PKD1L1: variants seen among roughly 807,000 people sequenced by gnomAD.
PKD1L1 encodes polycystin-1-like protein 1.
In PKD1L1, 236 loss-of-function variants were observed where a neutral mutation model predicts 323.4. That is an observed-to-expected ratio of 0.73 (90% CI 0.66 to 0.81). The LOEUF (loss-of-function observed/expected upper bound fraction) is 0.81, where lower values mean the gene tolerates loss of function less well. Among genes scored for constraint, PKD1L1 ranks in the 40% least tolerant of loss-of-function variants. The pLI is 0.00. For missense variants in PKD1L1, 3,320 were observed against 3,508.0 expected (o/e 0.95, Z 1.35); for synonymous variants, 1,344 against 1,335.0 (o/e 1.01, Z -0.15).
Position 47,829,518 on chromosome 7 carries a change from C to T in PKD1L1, c.6642G>A (p.Arg2214=), listed in dbSNP as rs750609501. 2.5e-6 allele frequency: 4 copies of T among 1,614,056 alleles called. No homozygotes were observed. Among genetic ancestry groups the T allele is most frequent in the Admixed American group, 1.7e-5 (1 of 59,998 alleles). ...FFTESLCEAT[R]DLDSELAERS... is the part of the protein sequence containing the mutation. Reference sequence around the variant, plus strand: ...GTTCTGCCAATTCAGAGTCCAGATCCCTGGTAGCCTCACATAAAGACTCAG... The same window carrying T: ...GTTCTGCCAATTCAGAGTCCAGATCTCTGGTAGCCTCACATAAAGACTCAG... Residue 2214 remains arginine (R), a synonymous_variant, in exon 44 of 57, where the codon AGG becomes AGA. Transcript: ENST00000289672.
chr7:47,827,394 G>A lies in PKD1L1; in HGVS notation c.6810C>T (p.Thr2270=), dbSNP rs1785258575. The part of the protein sequence containing the change: ...HPPSKAQLRG[T]RQRMRRESRT... ...GACTCTCTCTCCTCATCCTCTGTCT[G>A]GTGCCCCTCAGCTGGGCCTTGGATG... is the stretch of plus-strand genomic sequence containing the variant. Residue 2270 remains threonine (T), a synonymous_variant, in exon 45 of 57, where the codon ACC becomes ACT. Coordinates refer to ENST00000289672, the MANE Select transcript of PKD1L1 (RefSeq NM_138295.5). 1.2e-6 allele frequency: 2 copies of A among 1,613,298 alleles called. No homozygotes were observed. Among genetic ancestry groups the A allele is most frequent in the Non-Finnish European group, 1.7e-6 (2 of 1,179,848 alleles).
chr7:47,937,732 A>T (rs1787898767), intron 3 of PKD1L1, among the ~76,000 whole-genome samples: 1 of 152,056 alleles, frequency 6.6e-6, no homozygotes, highest in Admixed American at 6.5e-5. Context: ...TGGAAGTGAG[A>T]TGGAGCCCAA....
chr7:47,943,888 C>A (rs1193257048), intron 1 of PKD1L1, among the ~76,000 whole-genome samples: 2 of 152,172 alleles, frequency 1.3e-5, no homozygotes, highest in South Asian at 2.1e-4. Flanking sequence ...CCTCATCATC[C>A]CCATTCCTGC....
At chr7:47,873,132 T>C (rs1013049226) in intron 24 of PKD1L1, among the ~76,000 whole-genome samples, 5 of 152,124 alleles carry the variant, frequency 3.3e-5, no homozygotes, top group South Asian at 2.1e-4. Context: ...AGATATTAAA[T>C]AGATTTGTGG....
intron 19 of PKD1L1, among the ~76,000 whole-genome samples, chr7:47,882,764 C>A (rs1786592590): frequency 6.6e-6 from 1 of 152,122 alleles, no homozygotes; most frequent in Admixed American, 6.5e-5. Flanking sequence ...GGGTGCACAG[C>A]CACGGGCTTT....
intron 21 of PKD1L1, among the ~76,000 whole-genome samples, chr7:47,880,263 TACATATATATATATA>T (rs1786513536): frequency 2.3e-5 from 2 of 88,340 alleles, no homozygotes; most frequent in African/African-American, 1.2e-4. Context: ...TATATATATA[TACATATATATATATA>T]TATATATTTT....
chr7:47,862,599 A>G (rs1031149902), intron 26 of PKD1L1, among the ~76,000 whole-genome samples: 6 of 152,220 alleles, frequency 3.9e-5, no homozygotes, highest in Non-Finnish European at 7.3e-5. Flanking sequence ...ATTGAAGGGG[A>G]TAGCCCATAA....
intron 13 of PKD1L1, among the ~76,000 whole-genome samples, chr7:47,901,997 T>C (rs188817674): frequency 9.7e-4 from 141 of 145,396 alleles, no homozygotes; most frequent in Non-Finnish European, 1.7e-3. Flanking sequence ...AATGCTACAG[T>C]TCTTAGCATA....
intron 30 of PKD1L1, among the ~76,000 whole-genome samples, chr7:47,853,784 A>AC (rs1785836989): frequency 7.0e-6 from 1 of 143,434 alleles, no homozygotes. Flanking sequence ...AAAAAAAAAA[A>AC]CACCAAAAAC....
chr7:47,832,663 C>G (rs968870662), intron 41 of PKD1L1, among the ~76,000 whole-genome samples: 1 of 152,158 alleles, frequency 6.6e-6, no homozygotes, highest in Non-Finnish European at 1.5e-5. Context: ...TTTGGCCACC[C>G]TCCTAGGATT....
At chr7:47,955,526 C>T in the PKD1L1 span, among the ~76,000 whole-genome samples, 1 of 152,310 alleles carries the variant, frequency 6.6e-6, no homozygotes, top group East Asian at 1.9e-4. Context: ...TATCTATCAA[C>T]ATCTAACCTG....
rs199562896 is a variant in PKD1L1 at position 47,929,543 on chromosome 7, G to A, written c.738-17C>T. The A allele has an allele frequency of 1.9e-5, 30 of 1,597,026 alleles. No individual in the cohort carries two copies. The African/African-American group carries it at 3.7e-4, about 20-fold the overall frequency. ...CCGTGGGAGCTGTGGGAGAGAGGGA[G>A]AGGCTTCAGATTTCATGACAGTGGA... On this transcript the variant is annotated splice_polypyrimidine_tract_variant and intron_variant, in intron 6 of 56. Transcript: ENST00000289672.
In PKD1L1 at chr7:47,809,496, G is replaced by A. The variant is rs200853469; in HGVS notation, c.7663C>T (p.Arg2555Ter). 1.2e-4 allele frequency: 192 copies of A among 1,605,596 alleles called. No homozygotes were observed. The highest frequency in any genetic ancestry group is 3.3e-4 in the Middle Eastern group (2 of 6,070). Residue 2555 changes from arginine (R) to a stop codon, truncating the protein, a stop_gained, in exon 51 of 57, where the codon CGA (arginine) becomes TGA (stop). Transcript: ENST00000289672. LOFTEE classifies it high-confidence loss of function. ...MMDKGVLSYW[R>*]KPRNWLELSV... Reference sequence around the variant, plus strand: ...ACCTCCAGCCAGTTCCTTGGCTTTCGCCAGTAGCTGAGGACGCCCTTGTCC... The same window carrying A: ...ACCTCCAGCCAGTTCCTTGGCTTTCACCAGTAGCTGAGGACGCCCTTGTCC...
At chr7:47,788,676 A>G (rs1786869660) in intron 56 of PKD1L1, among the ~76,000 whole-genome samples, 1 of 150,874 alleles carries the variant, frequency 6.6e-6, no homozygotes, top group Non-Finnish European at 1.5e-5. Flanking sequence ...GCTCACAGCA[A>G]TCTCCGCCTC....
intron 21 of PKD1L1, among the ~76,000 whole-genome samples, chr7:47,879,078 TA>T (rs1482171605): frequency 1.3e-5 from 2 of 152,222 alleles, no homozygotes; most frequent in Non-Finnish European, 2.9e-5. Flanking sequence ...GCCCGTCTTG[TA>T]TCCAAAGCAG....
In PKD1L1 at chr7:47,839,432, T is replaced by C; in HGVS notation, c.5769+14A>G. 2 of 1,595,770 alleles carry C rather than the reference T, an allele frequency of 1.3e-6. No homozygotes were observed. The highest frequency in any genetic ancestry group is 1.3e-5 in the African/African-American group (1 of 74,860). On this transcript the variant is annotated intron_variant, in intron 36 of 56. Coordinates refer to ENST00000289672, the MANE Select transcript of PKD1L1 (RefSeq NM_138295.5). This position sits in a 1 kb window ranked among gnomAD's most constrained non-coding sequence, Gnocchi z 4.3. ...GCCAGGTGCGCCACGAGAGGCCACC[T>C]GGAGGGAGCCTACCTTCCGGAAGCC...
chr7:47,940,088 C>T, intron 3 of PKD1L1, 105 bp downstream of exon 3: 1 of 1,453,076 alleles, frequency 6.9e-7, no homozygotes, highest in Non-Finnish European at 9.5e-7. Context: ...GATAGGAAAA[C>T]AATCCCTGAT....
intron 13 of PKD1L1, among the ~76,000 whole-genome samples, chr7:47,899,815 G>A (rs1419432636): frequency 6.6e-6 from 1 of 152,098 alleles, no homozygotes; most frequent in African/African-American, 2.4e-5. Flanking sequence ...AATTAGCCAG[G>A]TGTGGTGGCG....
chr7:47,854,185 G>A (rs1438504223), intron 30 of PKD1L1, among the ~76,000 whole-genome samples: 2 of 152,116 alleles, frequency 1.3e-5, no homozygotes, highest in Admixed American at 6.5e-5. Context: ...TGTGGACAGC[G>A]CCTGTGTAAG....
Sources: allele counts gnomAD v4.1 joint callset (sites outside exome capture counted in the v4.1 genomes callset), GRCh38; gene constraint gnomAD v4.1.1; non-coding constraint Gnocchi (gnomAD v3.1); transcripts MANE v1.5; gene names NCBI Gene and HGNC (gene_info 2026-07-23, HGNC 2026-07-21).